The following PPARA variants were observed in gnomAD, a reference collection of about 807,000 sequenced individuals.
The protein encoded by PPARA is peroxisome proliferator activated receptor alpha, also known as peroxisome proliferator-activated receptor alpha.
PPARA carries 22 observed loss-of-function variants against 42.2 expected under a neutral mutation model. That is an observed-to-expected ratio of 0.52 (90% confidence interval 0.37 to 0.74). The LOEUF (loss-of-function observed/expected upper bound fraction) is 0.74, where lower values mean the gene tolerates loss of function less well. PPARA is among the 30% of genes least tolerant of loss of function. The pLI is 0.00. For missense variants in PPARA, 465 were observed against 608.2 expected (o/e 0.76, Z 2.48); for synonymous variants, 242 against 239.3 (o/e 1.01, Z -0.10).
chr22:46,181,454 G>GTCTGGTCAT (rs1269251682), intron 3 of PPARA, among the ~76,000 whole-genome samples: 1 of 152,198 alleles, frequency 6.6e-6, no homozygotes, highest in East Asian at 1.9e-4. Flanking sequence ...AGTCTGGTCA[G>GTCTGGTCAT]TCTGGAACGA....
rs759032857 is a variant in PPARA, at chr22:46,227,275, T to C, written c.712-4517T>C. On this transcript the variant is annotated intron_variant, in intron 7 of 8. Coordinates refer to ENST00000407236, the MANE Select transcript of PPARA (RefSeq NM_005036.6). This position sits in a 1 kb window ranked among gnomAD's most constrained non-coding sequence, Gnocchi z 4.3. ...TTATTTATTTATTTATTTTTGAGAC[T>C]GAGTCTCACTCTCTTGCCCAGGCTG... Among the ~76,000 whole-genome samples, 2 of 152,110 alleles carry C rather than the reference T, an allele frequency of 1.3e-5. No individual in the cohort carries two copies. The highest frequency in any genetic ancestry group is 2.9e-5 in the Non-Finnish European group (2 of 68,034).
intron 5 of PPARA, 85 bp from the exon 6 acceptor site, chr22:46,218,178 T>C: frequency 6.5e-7 from 1 of 1,532,914 alleles, no homozygotes. Flanking sequence ...AAACAATAAA[T>C]GAGCAACAAA....
rs1322444924 is a variant in PPARA at position 46,200,294 on chromosome 22, A to C, written c.208+1703A>C. 6.6e-6 allele frequency among the ~76,000 whole-genome samples: 1 copy of C among 152,214 alleles called. No individual in the cohort carries two copies. Among genetic ancestry groups the C allele is most frequent in the Non-Finnish European group, 1.5e-5 (1 of 68,030 alleles). Reference sequence around the variant, plus strand: ...GACAGGTTGTGAGAAATGCATCCTTAGGTGATTTCATCATTGTGTGAAAGT... The same window carrying C: ...GACAGGTTGTGAGAAATGCATCCTTCGGTGATTTCATCATTGTGTGAAAGT... On this transcript the variant is annotated intron_variant, in intron 4 of 8. Coordinates refer to ENST00000407236, the MANE Select transcript of PPARA (RefSeq NM_005036.6). This position sits in a 1 kb window ranked among gnomAD's most constrained non-coding sequence, Gnocchi z 4.8.
Position 46,198,377 on chromosome 22 carries a change from G to C in PPARA, c.-7G>C. 6.2e-7 allele frequency: 1 copy of C among 1,613,052 alleles called. No homozygotes were observed. Among genetic ancestry groups the C allele is most frequent in the Non-Finnish European group, 8.5e-7 (1 of 1,179,286 alleles). On this transcript the variant is annotated 5_prime_UTR_variant, in exon 4 of 9. Coordinates refer to ENST00000407236, the MANE Select transcript of PPARA (RefSeq NM_005036.6). ...CTCGGCGGCACAACCAGCACCATCT[G>C]GTCGCGATGGTGGACACGGAAAGCC...
At position 46,218,195 on chromosome 22, in the gene PPARA, G is replaced by A. The variant is rs1934670282; in HGVS notation, c.370-68G>A. The A allele has an allele frequency of 3.2e-6, 5 of 1,583,208 alleles. No homozygotes were observed. In the African/African-American group the frequency reaches 5.4e-5, roughly 17 times the overall value. ...ACAATAAATGAGCAACAAAAAAGGTGAGTAAAGCAAGTGCGCTGGTTTCTC... is the reference window on the plus strand; with the variant it reads ...ACAATAAATGAGCAACAAAAAAGGTAAGTAAAGCAAGTGCGCTGGTTTCTC... On this transcript the variant is annotated intron_variant, in intron 5 of 8. Coordinates refer to ENST00000407236, the MANE Select transcript of PPARA (RefSeq NM_005036.6).
chr22:46,172,834 C>G (rs951511232), intron 2 of PPARA, among the ~76,000 whole-genome samples: 1 of 152,160 alleles, frequency 6.6e-6, no homozygotes, highest in Non-Finnish European at 1.5e-5. Context: ...GTTGCTTTGA[C>G]AGGTTACTTG....
rs769220962 is a variant in PPARA, at chr22:46,227,897, A to G, written c.712-3895A>G. ...ATGATCTCACCAAGAATGTTTATCC[A>G]TAAAGTTTAGCGAATTTGCAAGTGT... On this transcript the variant is annotated intron_variant, in intron 7 of 8. Coordinates refer to ENST00000407236, the MANE Select transcript of PPARA (RefSeq NM_005036.6). This position sits in a 1 kb window ranked among gnomAD's most constrained non-coding sequence, Gnocchi z 4.3. Among the ~76,000 whole-genome samples the G allele has an allele frequency of 6.6e-6, 1 of 152,240 alleles. No individual in the cohort carries two copies. The highest frequency in any genetic ancestry group is 1.5e-5 in the Non-Finnish European group (1 of 68,040).
intron 5 of PPARA, among the ~76,000 whole-genome samples, chr22:46,217,916 C>T (rs555699743): frequency 2.7e-5 from 4 of 148,528 alleles, no homozygotes; most frequent in African/African-American, 7.5e-5. Context: ...CTGCAACCTC[C>T]GCCTCCTGGG....
chr22:46,188,246 C>T lies in PPARA; in HGVS notation c.-42-10096C>T, dbSNP rs575644152. Among the ~76,000 whole-genome samples, 88 of 152,332 alleles carry T rather than the reference C, an allele frequency of 5.8e-4. No homozygotes were observed. The highest frequency in any genetic ancestry group is 1.0e-3 in the Non-Finnish European group (71 of 68,030). Reference sequence around the variant, plus strand: ...CCATTAAGTTTCAGAGTTTGTTACACGGTAACATGTAACTGATACAACTCT... The same window carrying T: ...CCATTAAGTTTCAGAGTTTGTTACATGGTAACATGTAACTGATACAACTCT... On this transcript the variant is annotated intron_variant, in intron 3 of 8. Coordinates refer to ENST00000407236, the MANE Select transcript of PPARA (RefSeq NM_005036.6). This position sits in a 1 kb window ranked among gnomAD's most constrained non-coding sequence, Gnocchi z 5.0.
chr22:46,186,844 G>A (rs9627100), intron 3 of PPARA, among the ~76,000 whole-genome samples: 13,954 of 152,080 alleles, frequency 0.092, 747 homozygotes, highest in African/African-American at 0.14. Flanking sequence ...ATAGTATCAA[G>A]CCCTATATAT....
Position 46,174,185 on chromosome 22 carries a change from GAAGA to G in PPARA, c.-126-2563_-126-2560del, listed in dbSNP as rs201474271. Among the ~76,000 whole-genome samples, 242 of 116,482 alleles carry G rather than the reference GAAGA, an allele frequency of 2.1e-3. 1 individual carries two copies. The highest frequency in any genetic ancestry group is 0.01 in the African/African-American group (216 of 21,042). 76.4% of individuals were successfully genotyped at this position (116,482 alleles called of 152,430 possible). A position where few individuals can be genotyped will look rare whatever the true frequency, so the allele number is the denominator to read the frequency against. On this transcript the variant is annotated intron_variant, in intron 2 of 8. Coordinates refer to ENST00000407236, the MANE Select transcript of PPARA (RefSeq NM_005036.6). ...GAGCAAGACTCTGTCTTGAAAGAAG[GAAGA>G]AAGAGAGAGAGAGAGAGAGAGAGAG...
chr22:46,195,401 G>T lies in PPARA; in HGVS notation c.-42-2941G>T, dbSNP rs1214807741. 6.6e-6 allele frequency among the ~76,000 whole-genome samples: 1 copy of T among 152,166 alleles called. No individual in the cohort carries two copies. The highest frequency in any genetic ancestry group is 1.9e-4 in the East Asian group (1 of 5,198). On this transcript the variant is annotated intron_variant, in intron 3 of 8. Transcript: ENST00000407236. The surrounding 1 kb of genome is among the most constrained non-coding windows in gnomAD (Gnocchi z 4.6). The stretch of plus-strand genomic sequence containing the variant: ...TACAGAAAATCTGTACAGAGTCCCA[G>T]CCTGACTTATGCTAGTAGGTTACAG...
intron 2 of PPARA, among the ~76,000 whole-genome samples, chr22:46,152,874 C>T (rs547853605): frequency 1.3e-5 from 2 of 152,270 alleles, no homozygotes; most frequent in East Asian, 3.9e-4. Flanking sequence ...CGCTTGAGGC[C>T]AGGAGTTCGA....
chr22:46,169,206 A>T (rs574415632), intron 2 of PPARA, among the ~76,000 whole-genome samples: 4 of 152,096 alleles, frequency 2.6e-5, no homozygotes, highest in African/African-American at 7.2e-5. Context: ...ATATGTCAAC[A>T]TTGGCTCATC....
Position 46,191,467 on chromosome 22 carries a change from C to T in PPARA, c.-42-6875C>T, listed in dbSNP as rs1011244559. The stretch of plus-strand genomic sequence containing the variant: ...GAGTGGAACTGATAATCTGTTCCTC[C>T]CTATTGTGTTCAGTATGGTTTTTTT... On this transcript the variant is annotated intron_variant, in intron 3 of 8. Transcript: ENST00000407236. This position sits in a 1 kb window ranked among gnomAD's most constrained non-coding sequence, Gnocchi z 4.6. Among the ~76,000 whole-genome samples the T allele has an allele frequency of 6.6e-6, 1 of 151,904 alleles. No individual in the cohort carries two copies. The highest frequency in any genetic ancestry group is 2.4e-5 in the African/African-American group (1 of 41,342).
At chr22:46,228,513 G>A (rs968986293) in intron 7 of PPARA, among the ~76,000 whole-genome samples, 3 of 152,152 alleles carry the variant, frequency 2.0e-5, no homozygotes, top group African/African-American at 7.2e-5. Context: ...TCCAGCCTGG[G>A]CAACAGAGCG....
rs530956119 is a variant in PPARA at position 46,219,086 on chromosome 22, C to T, written c.508+685C>T. Among the ~76,000 whole-genome samples, 8 of 151,398 alleles carry T rather than the reference C, an allele frequency of 5.3e-5. No homozygotes were observed. Among genetic ancestry groups the T allele is most frequent in the Middle Eastern group, 3.4e-3 (1 of 294 alleles). Reference sequence around the variant, plus strand: ...ATGAGACAGGAGAATAGCTTGAACCCGGGAGGCGGAGGTTGCAGTGAGCTG... The same window carrying T: ...ATGAGACAGGAGAATAGCTTGAACCTGGGAGGCGGAGGTTGCAGTGAGCTG... On this transcript the variant is annotated intron_variant, in intron 6 of 8. Coordinates refer to ENST00000407236, the MANE Select transcript of PPARA (RefSeq NM_005036.6). This position sits in a 1 kb window ranked among gnomAD's most constrained non-coding sequence, Gnocchi z 4.8.
In PPARA at chr22:46,155,008, A is replaced by C. The variant is rs1006366389; in HGVS notation, c.-127+3038A>C. 203 of 141,266 alleles carry C rather than the reference A, an allele frequency of 1.4e-3. 2 individuals carry two copies. Among genetic ancestry groups the C allele is most frequent in the African/African-American group, 5.8e-3 (199 of 34,082 alleles). 8.8% of individuals were successfully genotyped at this position (141,266 alleles called of 1,614,324 possible). A position where few individuals can be genotyped will look rare whatever the true frequency, so the allele number is the denominator to read the frequency against. On this transcript the variant is annotated intron_variant, in intron 2 of 8. Coordinates refer to ENST00000407236, the MANE Select transcript of PPARA (RefSeq NM_005036.6). ...TTCTTTAAAAAAAAAAAAAAAAAAA[A>C]AAAAAAAAAAAAAAAAAAACCACAT... is the stretch of plus-strand genomic sequence containing the variant.
At position 46,234,897 on chromosome 22, in the gene PPARA, T is replaced by C. The variant is rs551063139; in HGVS notation, c.1160-236T>C. Among the ~76,000 whole-genome samples, 78 of 152,338 alleles carry C rather than the reference T, an allele frequency of 5.1e-4. 2 individuals are homozygous for C. In the South Asian group the frequency reaches 0.016, roughly 31 times the overall value. On this transcript the variant is annotated intron_variant, in intron 8 of 8. Transcript: ENST00000407236. The surrounding 1 kb of genome is among the most constrained non-coding windows in gnomAD (Gnocchi z 5.8). The stretch of plus-strand genomic sequence containing the variant: ...CCATAAGGTGTACTTAGGGCACTAT[T>C]GCCGCCTAGTAGTATGAATATTTAG...
Sources: gnomAD v4.1 joint callset for allele counts (sites outside exome capture counted in the v4.1 genomes callset) on GRCh38, gnomAD v4.1.1 for gene constraint, Gnocchi (gnomAD v3.1) non-coding constraint, MANE v1.5 for transcripts, NCBI Gene and HGNC (gene_info 2026-07-23, HGNC 2026-07-21) for gene names.